KCNH8: variants seen among roughly 807,000 people sequenced by gnomAD.
The protein encoded by KCNH8 is voltage-gated delayed rectifier potassium channel KCNH8.
Under a neutral mutation model 103.6 loss-of-function variants are expected in KCNH8, and 70 were observed. The observed-to-expected ratio is 0.68, with a 90% confidence interval of 0.56 to 0.82. The LOEUF (loss-of-function observed/expected upper bound fraction) is 0.82, where lower values mean the gene tolerates loss of function less well. Ranked by LOEUF, KCNH8 falls within the 40% of genes least tolerant of loss-of-function variation. The pLI, the probability that KCNH8 is intolerant of heterozygous loss-of-function variation, is 0.00. For missense variants in KCNH8, 1,217 were observed against 1,329.9 expected, an observed-to-expected ratio of 0.92 and a Z score of 1.32; for synonymous variants, 498 against 489.4, an observed-to-expected ratio of 1.02 and a Z score of -0.23.
At chr3:19,233,860 C>A (rs1185645664) in intron 1 of KCNH8, among the ~76,000 whole-genome samples, 1 of 151,988 alleles carries the variant, frequency 6.6e-6, no homozygotes, top group Admixed American at 6.6e-5. Flanking sequence ...CGGATGTGTT[C>A]GGAGTTTCTG....
At chr3:19,168,135 G>A (rs534146694) in intron 1 of KCNH8, among the ~76,000 whole-genome samples, 4 of 151,712 alleles carry the variant, frequency 2.6e-5, no homozygotes, top group Admixed American at 1.3e-4. Context: ...GTCAGCCTCC[G>A]AGTAGCTGGG....
intron 11 of KCNH8, among the ~76,000 whole-genome samples, chr3:19,506,107 A>G (rs1046364996): frequency 6.6e-6 from 1 of 152,030 alleles, no homozygotes; most frequent in Non-Finnish European, 1.5e-5. Context: ...CTTTCTCCTG[A>G]ATCTCGATTG....
At chr3:19,276,179 G>A (rs1005238689) in intron 2 of KCNH8, among the ~76,000 whole-genome samples, 6 of 128,402 alleles carry the variant, frequency 4.7e-5, no homozygotes, top group African/African-American at 2.8e-4. Context: ...ATGTATATGT[G>A]TGTGTGTGTG....
intron 11 of KCNH8, among the ~76,000 whole-genome samples, chr3:19,491,200 C>T (rs974103630): frequency 5.3e-5 from 8 of 152,016 alleles, no homozygotes; most frequent in African/African-American, 1.2e-4. Flanking sequence ...TTATGCCTCA[C>T]GCTTTTAAAA....
At chr3:19,405,939 G>A (rs1468756634) in intron 7 of KCNH8, among the ~76,000 whole-genome samples, 1 of 151,948 alleles carries the variant, frequency 6.6e-6, no homozygotes, top group African/African-American at 2.4e-5. Context: ...TTGCATTAAA[G>A]TATAGTTTTA....
At chr3:19,231,548 G>A (rs1169719601) in intron 1 of KCNH8, among the ~76,000 whole-genome samples, 1 of 151,992 alleles carries the variant, frequency 6.6e-6, no homozygotes, top group Non-Finnish European at 1.5e-5. Context: ...AAAGAGAGAT[G>A]GCATCTTTTT....
chr3:19,447,457 G>GAGAAGTA (rs2067379155), intron 8 of KCNH8, among the ~76,000 whole-genome samples: 1 of 151,914 alleles, frequency 6.6e-6, no homozygotes, highest in Non-Finnish European at 1.5e-5. Flanking sequence ...TACTTTAAGT[G>GAGAAGTA]CTTTACACAT....
chr3:19,241,001 C>G (rs1010905242), intron 1 of KCNH8, among the ~76,000 whole-genome samples: 1 of 152,084 alleles, frequency 6.6e-6, no homozygotes, highest in African/African-American at 2.4e-5. Context: ...CAGTCTGGCT[C>G]TTGTTCTTCT....
At chr3:19,269,522 G>A (rs2064558740) in intron 2 of KCNH8, among the ~76,000 whole-genome samples, 1 of 152,044 alleles carries the variant, frequency 6.6e-6, no homozygotes, top group Non-Finnish European at 1.5e-5. Flanking sequence ...TCTGTATAAT[G>A]TCTATAATGA....
intron 2 of KCNH8, among the ~76,000 whole-genome samples, chr3:19,261,842 C>T (rs1275145527): frequency 6.6e-6 from 1 of 151,266 alleles, no homozygotes; most frequent in Admixed American, 6.6e-5. Context: ...AGTTTTTTTT[C>T]CCAGTATCAT....
In KCNH8 at chr3:19,450,390, G is replaced by T. The variant is rs771566183; in HGVS notation, c.1575+85G>T. On this transcript the variant is annotated intron_variant, in intron 9 of 15. Transcript: ENST00000328405. ...AGATGTTCTAATGCAGGTATCAGAA[G>T]TGAAAAGCATACCAACTTCTTTATT... 5.7e-6 allele frequency: 6 copies of T among 1,049,470 alleles called. No homozygotes were observed. In the East Asian group the frequency reaches 1.2e-4, roughly 21 times the overall value. The allele number at this position is 1,049,470 out of a possible 1,614,324, so 65.0% of individuals were successfully genotyped here. A position where few individuals can be genotyped will look rare whatever the true frequency, so the allele number is the denominator to read the frequency against.
At chr3:19,318,702 A>G (rs567812391) in intron 3 of KCNH8, among the ~76,000 whole-genome samples, 16 of 148,898 alleles carry the variant, frequency 1.1e-4, no homozygotes, top group Non-Finnish European at 2.4e-4. Context: ...CGGTAGATCT[A>G]CTTTTATTTC....
chr3:19,529,670 A>G (rs567013187), intron 15 of KCNH8, among the ~76,000 whole-genome samples: 1 of 152,200 alleles, frequency 6.6e-6, no homozygotes, highest in East Asian at 1.9e-4. Context: ...TTTCTGTGGC[A>G]GTATGTTGTC....
chr3:19,425,412 A>T (rs1206548597), intron 7 of KCNH8, among the ~76,000 whole-genome samples: 1 of 152,216 alleles, frequency 6.6e-6, no homozygotes, highest in African/African-American at 2.4e-5. Flanking sequence ...ACTGCAAGAT[A>T]ATAAAGACCT....
In KCNH8 at chr3:19,303,726, CTCCCTGCCAGGATGACCTT is replaced by C. The variant is rs1421668631; in HGVS notation, c.442+22400_442+22418del. On this transcript the variant is annotated intron_variant, in intron 3 of 15. Transcript: ENST00000328405. The stretch of plus-strand genomic sequence containing the variant: ...GTTCTGATATAGTCACAAAAAAAGC[CTCCCTGCCAGGATGACCTT>C]TCAGAATGCTCTTGAGATGAGTGAA... 3.3e-5 allele frequency among the ~76,000 whole-genome samples: 5 copies of C among 152,176 alleles called. No individual in the cohort carries two copies. In the East Asian group the frequency reaches 7.8e-4, roughly 24 times the overall value.
At chr3:19,479,986 G>A (rs189812378) in intron 11 of KCNH8, among the ~76,000 whole-genome samples, 308 of 152,272 alleles carry the variant, frequency 2.0e-3, no homozygotes, top group African/African-American at 6.5e-3. Context: ...TATAATACAC[G>A]TCTCACTTCC....
At chr3:19,484,698 G>C (rs2125217881) in intron 11 of KCNH8, among the ~76,000 whole-genome samples, 1 of 152,160 alleles carries the variant, frequency 6.6e-6, no homozygotes, top group South Asian at 2.1e-4. Context: ...TGGCTGTAAA[G>C]GGGCTACGTT....
intron 7 of KCNH8, among the ~76,000 whole-genome samples, chr3:19,414,449 ATAG>A (rs1181100268): frequency 6.6e-6 from 1 of 152,096 alleles, no homozygotes; most frequent in Non-Finnish European, 1.5e-5. Context: ...AATGTAAGAA[ATAG>A]TAGGTCATAA....
intron 3 of KCNH8, among the ~76,000 whole-genome samples, chr3:19,295,537 T>C (rs1325355093): frequency 2.6e-5 from 4 of 152,206 alleles, no homozygotes; most frequent in African/African-American, 7.2e-5. Context: ...ACATTGGTAT[T>C]AAAGAATATT....
Sources: allele counts gnomAD v4.1 joint callset (sites outside exome capture counted in the v4.1 genomes callset), GRCh38; gene constraint gnomAD v4.1.1; transcripts MANE v1.5; gene names NCBI Gene and HGNC (gene_info 2026-07-23, HGNC 2026-07-21).